The following CNTNAP3B variants were observed in gnomAD, a reference collection of about 807,000 sequenced individuals.
The protein encoded by CNTNAP3B is contactin associated protein family member 3B.
In CNTNAP3B, 25 loss-of-function variants were observed where a neutral mutation model predicts 108.9. That is an observed-to-expected ratio of 0.23 (90% confidence interval 0.17 to 0.32). The LOEUF is 0.32. Ranked by LOEUF, CNTNAP3B falls within the 10% of genes least tolerant of loss-of-function variation. The probability of loss-of-function intolerance (pLI) is 1.00; values close to 1 mark genes in which losing one functional copy is unlikely to be tolerated. For missense variants in CNTNAP3B, 252 were observed against 1,210.4 expected (o/e 0.21, Z 11.75); for synonymous variants, 103 against 473.4 (o/e 0.22, Z 10.16).
intron 13 of CNTNAP3B, among the ~76,000 whole-genome samples, chr9:41,942,244 G>A (rs1406057488): frequency 2.0e-5 from 3 of 152,260 alleles, no homozygotes; most frequent in African/African-American, 7.2e-5. Context: ...GGGAGGCCGA[G>A]GCGGGCAGAT....
intron 1 of CNTNAP3B, among the ~76,000 whole-genome samples, chr9:42,113,825 T>C (rs1358246596): frequency 1.4e-5 from 2 of 139,308 alleles, no homozygotes; most frequent in Admixed American, 1.4e-4. Context: ...CGAAGGATAA[T>C]TGCTTGAGGG....
At chr9:41,935,338 G>T (rs1438207626) in intron 14 of CNTNAP3B, among the ~76,000 whole-genome samples, 3 of 152,250 alleles carry the variant, frequency 2.0e-5, no homozygotes, top group African/African-American at 4.8e-5. Flanking sequence ...CCCATTAACG[G>T]ACATATGCCT....
In CNTNAP3B at chr9:41,972,791, C is replaced by A. The variant is rs1276021540; in HGVS notation, c.1478-2546G>T. Among the ~76,000 whole-genome samples the A allele has an allele frequency of 3.7e-5, 5 of 136,830 alleles. 2 individuals carry two copies. The highest frequency in any genetic ancestry group is 7.8e-5 in the Non-Finnish European group (5 of 64,370). The allele number at this position is 136,830 out of a possible 152,430, so 89.8% of individuals were successfully genotyped here. On this transcript the variant is annotated intron_variant, in intron 9 of 23. Coordinates refer to ENST00000377561, the MANE Select transcript of CNTNAP3B (RefSeq NM_001201380.3). ...CTTTGTATAATTCTACTGCATCTCA[C>A]TAATCATTAAGAAATAAACACATTA...
chr9:41,935,071 A>T (rs1405085726), intron 14 of CNTNAP3B, among the ~76,000 whole-genome samples: 1 of 152,398 alleles, frequency 6.6e-6, no homozygotes, highest in Non-Finnish European at 1.5e-5. Flanking sequence ...CTATTTGAAC[A>T]TAGTCCACTA....
In CNTNAP3B at chr9:42,108,893, T is replaced by G. The variant is rs376951414; in HGVS notation, c.86-4154A>C. On this transcript the variant is annotated intron_variant, in intron 1 of 23. Transcript: ENST00000377561. ...TGGGACAGAAACCATTTCTTAGTAT[T>G]ATGTTCATGAAAGACAGCAGAAGAT... is the stretch of plus-strand genomic sequence containing the variant. Among the ~76,000 whole-genome samples the G allele has an allele frequency of 1.9e-4, 26 of 140,324 alleles. No homozygotes were observed. The East Asian group carries it at 4.7e-3, about 25-fold the overall frequency. The allele number at this position is 140,324 out of a possible 152,430, so 92.1% of individuals were successfully genotyped here. A position where few individuals can be genotyped will look rare whatever the true frequency, so the allele number is the denominator to read the frequency against.
In CNTNAP3B at chr9:41,944,068, C is replaced by G. The variant is rs866295561; in HGVS notation, c.2081-5668G>C. 7.8e-3 allele frequency among the ~76,000 whole-genome samples: 1,173 copies of G among 150,532 alleles called. 9 individuals carry two copies. Among genetic ancestry groups the G allele is most frequent in the African/African-American group, 0.028 (1,124 of 40,534 alleles). ...TTAAACTGTTGAGAGAAAACACACACTAATATAAAATTCTATATCCAGTAA... is the reference window on the plus strand; with the variant it reads ...TTAAACTGTTGAGAGAAAACACACAGTAATATAAAATTCTATATCCAGTAA... On this transcript the variant is annotated intron_variant, in intron 13 of 23. Transcript: ENST00000377561.
In CNTNAP3B at chr9:41,923,720, C is replaced by T. The variant is rs1241599400; in HGVS notation, c.2536+203G>A. The T allele has an allele frequency of 3.6e-3, 3,565 of 991,374 alleles. 14 individuals are homozygous for T. In the African/African-American group the frequency reaches 0.055, roughly 15 times the overall value. 61.4% of individuals were successfully genotyped at this position (991,374 alleles called of 1,614,324 possible). On this transcript the variant is annotated intron_variant, in intron 16 of 23. Transcript: ENST00000377561. Reference sequence around the variant, plus strand: ...GAGGTTGCAGTGAGCCAAGATAATGCCACTGCACTCCAGCATGAGTGACAC... The same window carrying T: ...GAGGTTGCAGTGAGCCAAGATAATGTCACTGCACTCCAGCATGAGTGACAC...
At chr9:42,025,023 C>T (rs1302723358) in intron 3 of CNTNAP3B, among the ~76,000 whole-genome samples, 2 of 145,648 alleles carry the variant, frequency 1.4e-5, no homozygotes, top group East Asian at 2.0e-4. Flanking sequence ...ATAATTCTAA[C>T]TGGGCAGCTA....
chr9:41,942,394 A>G (rs1824379600), intron 13 of CNTNAP3B, among the ~76,000 whole-genome samples: 1 of 152,118 alleles, frequency 6.6e-6, no homozygotes, highest in South Asian at 2.1e-4. Context: ...GCGGATCACG[A>G]GGTCAGGAGA....
At chr9:41,925,407 C>A (rs1280433941) in intron 15 of CNTNAP3B, among the ~76,000 whole-genome samples, 1 of 152,164 alleles carries the variant, frequency 6.6e-6, no homozygotes, top group East Asian at 1.9e-4. Flanking sequence ...TCCTGGCTAA[C>A]ACGGTGAAAC....
In CNTNAP3B at chr9:42,098,389, T is replaced by C. The variant is rs547367790; in HGVS notation, c.196+6240A>G. The stretch of plus-strand genomic sequence containing the variant: ...GAGATTGAGACCATCCTGGCTAACA[T>C]GGTGAAACCCCTTCTCTACTAAAAA... On this transcript the variant is annotated intron_variant, in intron 2 of 23. Coordinates refer to ENST00000377561, the MANE Select transcript of CNTNAP3B (RefSeq NM_001201380.3). Among the ~76,000 whole-genome samples the C allele has an allele frequency of 5.3e-4, 57 of 107,568 alleles. 6 individuals are homozygous for C. In the South Asian group the frequency reaches 0.013, roughly 24 times the overall value. 70.6% of individuals were successfully genotyped at this position (107,568 alleles called of 152,430 possible). A position where few individuals can be genotyped will look rare whatever the true frequency, so the allele number is the denominator to read the frequency against.
intron 3 of CNTNAP3B, among the ~76,000 whole-genome samples, chr9:42,076,427 T>TA (rs1186980537): frequency 0.023 from 2,425 of 104,102 alleles, 78 homozygotes; most frequent in Middle Eastern, 0.05. Context: ...ACTCTGTCTC[T>TA]AAAAAAAAAA....
At chr9:42,041,819 A>T (rs1400154870) in intron 3 of CNTNAP3B, among the ~76,000 whole-genome samples, 1 of 143,624 alleles carries the variant, frequency 7.0e-6, no homozygotes, top group African/African-American at 2.7e-5. Context: ...TGCAATAGCA[A>T]AGACTTGGAA....
intron 14 of CNTNAP3B, among the ~76,000 whole-genome samples, chr9:41,930,511 C>T (rs567500032): frequency 4.6e-5 from 7 of 152,038 alleles, no homozygotes; most frequent in African/African-American, 1.7e-4. Flanking sequence ...ACACTGCACT[C>T]CAGCCTGGGT....
At chr9:42,014,473 A>G (rs1411751618) in intron 3 of CNTNAP3B, among the ~76,000 whole-genome samples, 3 of 95,416 alleles carry the variant, frequency 3.1e-5, no homozygotes, top group African/African-American at 1.2e-4. Context: ...TCTCCTGCCT[A>G]ATTATTTTGC....
At chr9:41,939,005 A>C (rs1483945848) in intron 13 of CNTNAP3B, among the ~76,000 whole-genome samples, 1 of 152,240 alleles carries the variant, frequency 6.6e-6, no homozygotes, top group Admixed American at 6.5e-5. Flanking sequence ...GAAGAAACAA[A>C]GTGCCCTGGG....
chr9:42,104,359 G>A (rs1428841413), intron 2 of CNTNAP3B, among the ~76,000 whole-genome samples: 11 of 84,846 alleles, frequency 1.3e-4, no homozygotes, highest in East Asian at 4.3e-4. Context: ...TATTGCAAGG[G>A]GTATACAAAG....
At chr9:41,915,999 T>G (rs1364869418) in intron 18 of CNTNAP3B, among the ~76,000 whole-genome samples, 1 of 151,556 alleles carries the variant, frequency 6.6e-6, no homozygotes. Flanking sequence ...TCTACATAGC[T>G]CTATTTCTTC....
At chr9:42,078,672 T>A (rs547513587) in intron 2 of CNTNAP3B, among the ~76,000 whole-genome samples, 2 of 123,000 alleles carry the variant, frequency 1.6e-5, no homozygotes, top group Non-Finnish European at 3.4e-5. Context: ...TTGTTCAAAG[T>A]TAAATGTTCT....
Sources: gnomAD v4.1 joint callset for allele counts (sites outside exome capture counted in the v4.1 genomes callset) on GRCh38, gnomAD v4.1.1 for gene constraint, MANE v1.5 for transcripts, NCBI Gene and HGNC (gene_info 2026-07-23, HGNC 2026-07-21) for gene names.